Variants in AFF2 observed in about 807,000 individuals in gnomAD.
AFF2 encodes ALF transcription elongation factor 2, also known as AF4/FMR2 family member 2.
Under a neutral mutation model 76.9 loss-of-function variants are expected in AFF2, and 14 were observed. The ratio of observed to expected loss-of-function variants is 0.18; its 90% CI spans 0.12 to 0.28. The LOEUF (loss-of-function observed/expected upper bound fraction) is 0.28, where lower values mean the gene tolerates loss of function less well. Ranked by LOEUF, AFF2 falls within the 10% of genes least tolerant of loss-of-function variation. The pLI, the probability that AFF2 is intolerant of heterozygous loss-of-function variation, is 1.00. For synonymous variants in AFF2, 398 were observed against 366.7 expected (o/e 1.09, Z -0.98); for missense variants, 868 against 1,001.1 (o/e 0.87, Z 1.79).
At chrX:148,670,539 A>G (rs1427565567) in intron 3 of AFF2, among the ~76,000 whole-genome samples, 2 of 111,942 alleles carry the variant, frequency 1.8e-5, no homozygotes, top group Admixed American at 1.9e-4. Flanking sequence ...ATGTGGGACC[A>G]AAGTGAGAGA....
At chrX:148,850,561 C>T (rs1408950563) in intron 7 of AFF2, among the ~76,000 whole-genome samples, 1 of 112,138 alleles carries the variant, frequency 8.9e-6, no homozygotes, top group Non-Finnish European at 1.9e-5. Flanking sequence ...TGCTCTGTAT[C>T]CCAGAACAGT....
chrX:148,741,562 C>T (rs1342188757), intron 3 of AFF2, among the ~76,000 whole-genome samples: 2 of 111,172 alleles, frequency 1.8e-5, no homozygotes, highest in Non-Finnish European at 3.8e-5. Flanking sequence ...AGGCTTTCCT[C>T]CTCTCAGCTG....
At chrX:148,638,463 A>C (rs1367318113) in intron 1 of AFF2, among the ~76,000 whole-genome samples, 8 of 111,549 alleles carry the variant, frequency 7.2e-5, no homozygotes, top group Admixed American at 1.9e-4. Flanking sequence ...CGCATGATCC[A>C]ATCACCCCCC....
chrX:148,695,233 A>G (rs1256723882), intron 3 of AFF2, among the ~76,000 whole-genome samples: 2 of 112,049 alleles, frequency 1.8e-5, no homozygotes, highest in Non-Finnish European at 3.8e-5. Context: ...CCTATTAAGT[A>G]CAAATTGTAT....
At position 148,501,082 on chromosome X, in the gene AFF2, C is replaced by G; in HGVS notation, c.-16C>G. On this transcript the variant is annotated 5_prime_UTR_variant, in exon 1 of 21. Transcript: ENST00000370460. ...ATCAGGGACAGGCGCCCGCCCGCCG[C>G]CGCCGCCTGGCCGCTATGGATCTAT... 1.7e-6 allele frequency: 2 copies of G among 1,209,179 alleles called. No homozygotes were observed. Among genetic ancestry groups the G allele is most frequent in the Non-Finnish European group, 2.2e-6 (2 of 894,433 alleles).
Position 148,576,039 on chromosome X carries a change from G to A in AFF2, c.47+74895G>A, listed in dbSNP as rs2053284071. 2.7e-5 allele frequency among the ~76,000 whole-genome samples: 3 copies of A among 111,003 alleles called. No individual in the cohort carries two copies. The South Asian group carries it at 1.1e-3, about 42-fold the overall frequency. On this transcript the variant is annotated intron_variant, in intron 1 of 20. Coordinates refer to ENST00000370460, the MANE Select transcript of AFF2 (RefSeq NM_002025.4). The stretch of plus-strand genomic sequence containing the variant: ...CAAGTTTAGCTATGACAAGAATTCA[G>A]TAGCAGTGTACAGGTTGCTTGAACA...
intron 3 of AFF2, among the ~76,000 whole-genome samples, chrX:148,715,170 C>T (rs1557263242): frequency 1.8e-5 from 2 of 110,806 alleles, no homozygotes; most frequent in East Asian, 2.9e-4. Flanking sequence ...TTGATAGAAG[C>T]GCTAACAAGG....
At chrX:148,539,475 A>G (rs1435202447) in intron 1 of AFF2, among the ~76,000 whole-genome samples, 1 of 111,073 alleles carries the variant, frequency 9.0e-6, no homozygotes, top group Non-Finnish European at 1.9e-5. Context: ...ATAATGTCTG[A>G]CATTGATTAG....
intron 3 of AFF2, among the ~76,000 whole-genome samples, chrX:148,713,962 C>T (rs1283582610): frequency 9.0e-6 from 1 of 111,592 alleles, no homozygotes; most frequent in Non-Finnish European, 1.9e-5. Flanking sequence ...TTTCAATGAC[C>T]AGATGCATAG....
At chrX:148,505,147 G>A (rs1175668905) in intron 1 of AFF2, among the ~76,000 whole-genome samples, 1 of 111,903 alleles carries the variant, frequency 8.9e-6, no homozygotes, top group African/African-American at 3.3e-5. Context: ...TCTCCCGTGT[G>A]TTTGAGCATT....
At chrX:148,874,424 T>C (rs1411281734) in intron 7 of AFF2, among the ~76,000 whole-genome samples, 2 of 22,845 alleles carry the variant, frequency 8.8e-5, no homozygotes, top group Non-Finnish European at 1.5e-4. Context: ...ACTAGCCTTG[T>C]TTTAGAGACG....
chrX:148,811,238 C>T (rs2070198635), intron 4 of AFF2, among the ~76,000 whole-genome samples: 1 of 110,974 alleles, frequency 9.0e-6, no homozygotes, highest in Non-Finnish European at 1.9e-5. Flanking sequence ...ACCAACTCCC[C>T]ACCCCTACTC....
At chrX:148,512,216 T>G (rs2052489707) in intron 1 of AFF2, among the ~76,000 whole-genome samples, 1 of 112,597 alleles carries the variant, frequency 8.9e-6, no homozygotes, top group Non-Finnish European at 1.9e-5. Context: ...ATATCTCTTT[T>G]GCTACAATTA....
chrX:148,909,109 A>G (rs1557281753), intron 9 of AFF2, among the ~76,000 whole-genome samples: 1 of 112,194 alleles, frequency 8.9e-6, no homozygotes, highest in African/African-American at 3.2e-5. Context: ...AGTTTTAATG[A>G]GCCCTTATTG....
At chrX:148,871,991 A>G (rs1238147033) in intron 7 of AFF2, among the ~76,000 whole-genome samples, 1 of 111,435 alleles carries the variant, frequency 9.0e-6, no homozygotes, top group African/African-American at 3.3e-5. Flanking sequence ...CTTCTGCCGT[A>G]CTTCGTTATG....
chrX:148,712,621 TA>T (rs2054981300), intron 3 of AFF2, among the ~76,000 whole-genome samples: 1 of 111,142 alleles, frequency 9.0e-6, no homozygotes, highest in African/African-American at 3.2e-5. Flanking sequence ...TTAATGAGTA[TA>T]AAACTCAATA....
chrX:148,812,120 TTTTATAGACCA>T (rs1265974938), intron 4 of AFF2, among the ~76,000 whole-genome samples: 5 of 111,466 alleles, frequency 4.5e-5, no homozygotes, highest in Non-Finnish European at 7.5e-5. Context: ...ATTGTTAAAT[TTTTATAGACCA>T]CCTTGCATGT....
chrX:148,525,265 A>T (rs2052646111), intron 1 of AFF2, among the ~76,000 whole-genome samples: 2 of 111,623 alleles, frequency 1.8e-5, no homozygotes, highest in African/African-American at 6.5e-5. Flanking sequence ...TAATATATAA[A>T]GAGAGCTTTG....
chrX:148,785,820 CTG>C (rs1428077030), intron 3 of AFF2, among the ~76,000 whole-genome samples: 1 of 111,927 alleles, frequency 8.9e-6, no homozygotes, highest in Non-Finnish European at 1.9e-5. Context: ...ACAAATCAGT[CTG>C]TGACTAAAAA....
Sources: allele counts gnomAD v4.1 joint callset (sites outside exome capture counted in the v4.1 genomes callset), GRCh38; gene constraint gnomAD v4.1.1; transcripts MANE v1.5; gene names NCBI Gene and HGNC (gene_info 2026-07-23, HGNC 2026-07-21).